Variants in NR5A1 observed in about 807,000 individuals in gnomAD.
NR5A1 encodes the protein nuclear receptor subfamily 5 group A member 1.
Under a neutral mutation model 42.7 loss-of-function variants are expected in NR5A1, and 6 were observed. That is an observed-to-expected ratio of 0.14 (90% confidence interval 0.08 to 0.28). The LOEUF (loss-of-function observed/expected upper bound fraction) is 0.28. Ranked by LOEUF, NR5A1 falls within the 10% of genes least tolerant of loss-of-function variation. The pLI, the probability that NR5A1 is intolerant of heterozygous loss-of-function variation, is 1.00. For synonymous variants in NR5A1, 274 were observed against 277.5 expected (o/e 0.99, Z 0.12); for missense variants, 442 against 626.4 (o/e 0.71, Z 3.14).
intron 4 of NR5A1, among the ~76,000 whole-genome samples, chr9:124,497,990 T>A (rs1832411110): frequency 6.6e-6 from 1 of 152,192 alleles, no homozygotes; most frequent in Non-Finnish European, 1.5e-5. Flanking sequence ...TCTAAGTGCA[T>A]GTCTGACTTC....
chr9:124,499,301 C>A (rs1047522668), intron 4 of NR5A1, among the ~76,000 whole-genome samples: 25 of 152,184 alleles, frequency 1.6e-4, no homozygotes, highest in African/African-American at 5.3e-4. Context: ...CTGCTGCTTT[C>A]CTGATTACTG....
At chr9:124,505,610 C>T (rs905167638) in intron 1 of NR5A1, among the ~76,000 whole-genome samples, 3 of 152,208 alleles carry the variant, frequency 2.0e-5, no homozygotes, top group Non-Finnish European at 4.4e-5. Flanking sequence ...TGGGGCGAAC[C>T]CCTTCTGCTC....
Position 124,491,234 on chromosome 9 carries a change from G to T in NR5A1, c.991-6C>A. The stretch of plus-strand genomic sequence containing the variant: ...GCCACTGTGGTCAGCTCCACCTGGG[G>T]GCAGAGGGCACGGGGCGGGGGACAG... On this transcript the variant is annotated splice_region_variant and splice_polypyrimidine_tract_variant and intron_variant, in intron 5 of 6. Coordinates refer to ENST00000373588, the MANE Select transcript of NR5A1 (RefSeq NM_004959.5). 4 of 1,597,968 alleles carry T rather than the reference G, an allele frequency of 2.5e-6. No individual in the cohort carries two copies. The highest frequency in any genetic ancestry group is 3.4e-6 in the Non-Finnish European group (4 of 1,171,350).
intron 4 of NR5A1, among the ~76,000 whole-genome samples, chr9:124,494,064 T>C (rs895415631): frequency 6.6e-6 from 1 of 152,186 alleles, no homozygotes; most frequent in African/African-American, 2.4e-5. Flanking sequence ...CTTCTGGGTA[T>C]TTGGAAGCAC....
chr9:124,500,162 G>A lies in NR5A1; in HGVS notation c.798C>T (p.Cys266=), dbSNP rs1270195466. ...AGATGAAGGTCTGGTCGGCCATTCT[G>A]CACAGGAGGCCGAAGGCCGCCGGCT... The part of the protein sequence containing the change: ...PDQPAAFGLL[C]RMADQTFISI... Residue 266 remains cysteine, a synonymous_variant, in exon 4 of 7, where the codon TGC becomes TGT. Transcript: ENST00000373588. This position sits in a 1 kb window ranked among gnomAD's most constrained non-coding sequence, Gnocchi z 6.9. 1.2e-6 allele frequency: 2 copies of A among 1,612,604 alleles called. No individual in the cohort carries two copies. Among genetic ancestry groups the A allele is most frequent in the Non-Finnish European group, 1.7e-6 (2 of 1,179,698 alleles).
In NR5A1 at chr9:124,498,783, A is replaced by G. The variant is rs1588621098; in HGVS notation, c.870+1307T>C. On this transcript the variant is annotated intron_variant, in intron 4 of 6. Transcript: ENST00000373588. This position sits in a 1 kb window ranked among gnomAD's most constrained non-coding sequence, Gnocchi z 4.6. Reference sequence around the variant, plus strand: ...CCACCCCATGACAGACACATGGTACATCCCCAGGCCTCAGCCATGACAGGC... The same window carrying G: ...CCACCCCATGACAGACACATGGTACGTCCCCAGGCCTCAGCCATGACAGGC... 6.6e-6 allele frequency among the ~76,000 whole-genome samples: 1 copy of G among 152,086 alleles called. No homozygotes were observed. The highest frequency in any genetic ancestry group is 2.4e-5 in the African/African-American group (1 of 41,396).
rs974609508 is a variant in NR5A1, at chr9:124,482,906, C to T, written c.1238G>A (p.Gly413Glu). 3 of 1,614,096 alleles carry T rather than the reference C, an allele frequency of 1.9e-6. No individual in the cohort carries two copies. The highest frequency in any genetic ancestry group is 1.7e-6 in the Non-Finnish European group (2 of 1,180,050). The change falls in exon 7 of 7, where the codon GGG becomes GAG. Residue 413 changes from glycine to glutamate, a missense_variant. This residue lies in a region of NR5A1 where 163 missense variants were observed against 265.8 expected (regional missense o/e 0.61). Coordinates refer to ENST00000373588, the MANE Select transcript of NR5A1 (RefSeq NM_004959.5). The part of the protein sequence containing the change: ...DYTLCHYPHC[G>E]DKFQQLLLCL... ...CAGCAGCAGCTGCTGGAATTTGTCC[C>T]CGCAGTGCGGGTAGTGGCACAGGGT... is the stretch of plus-strand genomic sequence containing the variant.
chr9:124,490,423 C>T (rs1030641195), intron 6 of NR5A1, among the ~76,000 whole-genome samples: 2 of 151,966 alleles, frequency 1.3e-5, no homozygotes, highest in Non-Finnish European at 2.9e-5. Context: ...AGGAGGGCAA[C>T]GGGAAGGAGA....
Position 124,500,116 on chromosome 9 carries a change from T to G in NR5A1, c.844A>C (p.Arg282=). The change falls in exon 4 of 7, where the codon AGG becomes CGG. Residue 282 remains arginine, a synonymous_variant. Transcript: ENST00000373588. This position sits in a 1 kb window ranked among gnomAD's most constrained non-coding sequence, Gnocchi z 6.9. ...TFISIVDWAR[R]CMVFKELEVA... is the part of the protein sequence containing the mutation. Reference sequence around the variant, plus strand: ...TCCAGCTCCTTGAAGACCATGCACCTGCGTGCCCAGTCCACGATGGAGATG... The same window carrying G: ...TCCAGCTCCTTGAAGACCATGCACCGGCGTGCCCAGTCCACGATGGAGATG... 1 of 1,613,088 alleles carries G rather than the reference T, an allele frequency of 6.2e-7. No individual in the cohort carries two copies. Among genetic ancestry groups the G allele is most frequent in the Non-Finnish European group, 8.5e-7 (1 of 1,180,028 alleles).
intron 6 of NR5A1, 45 bp downstream of exon 6, chr9:124,491,036 C>CCCCCCCCCCGGGGG: frequency 5.7e-6 from 8 of 1,401,584 alleles, no homozygotes; most frequent in East Asian, 3.0e-5. Context: ...CCCACCCACC[C>CCCCCCCCCCGGGGG]GCCTCTGGCT....
At chr9:124,487,391 G>T (rs900005834) in intron 6 of NR5A1, among the ~76,000 whole-genome samples, 2 of 152,238 alleles carry the variant, frequency 1.3e-5, no homozygotes, top group African/African-American at 4.8e-5. Flanking sequence ...TGCTGCCGCC[G>T]CCTCAATGGA....
At chr9:124,487,296 A>G (rs1832228738) in intron 6 of NR5A1, among the ~76,000 whole-genome samples, 1 of 152,216 alleles carries the variant, frequency 6.6e-6, no homozygotes, top group South Asian at 2.1e-4. Flanking sequence ...CCCCGCGCAC[A>G]ATGGCCCCTC....
At chr9:124,483,188 C>T (rs900628809) in intron 6 of NR5A1, among the ~76,000 whole-genome samples, 183 bp from the exon 7 acceptor site, 1 of 152,228 alleles carries the variant, frequency 6.6e-6, no homozygotes, top group Admixed American at 6.5e-5. Context: ...CCATTGCTGT[C>T]ACCCTGGTTG....
Position 124,503,416 on chromosome 9 carries a change from G to T in NR5A1, c.-15-6C>A. ...TCCATGCCCGCGGCGTCCGCCTGCG[G>T]AGGGACAGCGGGTCAGGGAGGGCCG... On this transcript the variant is annotated splice_polypyrimidine_tract_variant and splice_region_variant and intron_variant, in intron 1 of 6. Coordinates refer to ENST00000373588, the MANE Select transcript of NR5A1 (RefSeq NM_004959.5). This position sits in a 1 kb window ranked among gnomAD's most constrained non-coding sequence, Gnocchi z 9.6. 1 of 1,593,496 alleles carries T rather than the reference G, an allele frequency of 6.3e-7. No homozygotes were observed.
intron 1 of NR5A1, among the ~76,000 whole-genome samples, chr9:124,504,324 A>T (rs1433889909): frequency 1.3e-5 from 2 of 152,144 alleles, no homozygotes; most frequent in Admixed American, 1.3e-4. Context: ...CAGGAGCCCA[A>T]GCGCCAAGGC....
chr9:124,483,072 G>A (rs772022442), intron 6 of NR5A1, 67 bp from the exon 7 acceptor site: 20 of 1,606,872 alleles, frequency 1.2e-5, no homozygotes, highest in Admixed American at 1.7e-5. Flanking sequence ...GGCCAACACC[G>A]TCACCAGCAT....
chr9:124,505,379 C>T (rs1263827426), intron 1 of NR5A1, among the ~76,000 whole-genome samples: 1 of 152,162 alleles, frequency 6.6e-6, no homozygotes, highest in African/African-American at 2.4e-5. Context: ...CTCGGATTCA[C>T]GGGTGGAAGC....
rs142414614 is a variant in NR5A1 at position 124,500,366 on chromosome 9, C to T, written c.594G>A (p.Pro198=). The change falls in exon 4 of 7, where the codon CCG becomes CCA. Residue 198 remains proline, a synonymous_variant. Transcript: ENST00000373588. This position sits in a 1 kb window ranked among gnomAD's most constrained non-coding sequence, Gnocchi z 6.9. ...FPGRAIKSEY[P]EPYASPPQPG... ...GCTGTGGGGGGCTGGCATAAGGCTC[C>T]GGGTACTCAGACTTGATGGCACGGC... 3,455 of 1,556,436 alleles carry T rather than the reference C, an allele frequency of 2.2e-3. 80 individuals carry two copies. The African/African-American group carries it at 0.042, about 19-fold the overall frequency.
rs1461480156 is a variant in NR5A1, at chr9:124,482,868, C to T, written c.1276G>A (p.Val426Met). Residue 426 changes from valine (V) to methionine (M), a missense_variant, in exon 7 of 7, where the codon GTG becomes ATG. By Grantham distance (21) the Val-to-Met change is conservative (BLOSUM62 1). Transcript: ENST00000373588. ...TTGGCCTGCATGCTCAGGGCCCGCA[C>T]CTCCACCAGGCACAGCAGCAGCTGC... ...FQQLLLCLVE[V>M]RALSMQAKEY... 4 of 1,614,142 alleles carry T rather than the reference C, an allele frequency of 2.5e-6. No homozygotes were observed. Among genetic ancestry groups the T allele is most frequent in the Non-Finnish European group, 2.5e-6 (3 of 1,180,018 alleles).
Sources: gnomAD v4.1 joint callset for allele counts (sites outside exome capture counted in the v4.1 genomes callset) on GRCh38, gnomAD v4.1.1 for gene constraint, gnomAD v4.1.1 regional missense constraint, Gnocchi (gnomAD v3.1) non-coding constraint, MANE v1.5 for transcripts, NCBI Gene and HGNC (gene_info 2026-07-23, HGNC 2026-07-21) for gene names.